TUBA3E: variants seen among roughly 807,000 people sequenced by gnomAD.
TUBA3E encodes the protein tubulin alpha 3e, also known as tubulin alpha-3E chain.
TUBA3E carries 21 observed loss-of-function variants against 36.7 expected under a neutral mutation model. The ratio of observed to expected loss-of-function variants is 0.57; its 90% CI spans 0.41 to 0.83. The LOEUF is 0.83. Ranked by LOEUF, TUBA3E falls within the 40% of genes least tolerant of loss-of-function variation. The pLI, the probability that TUBA3E is intolerant of heterozygous loss-of-function variation, is 0.00. For missense variants in TUBA3E, 469 were observed against 604.2 expected (o/e 0.78, Z 2.35); for synonymous variants, 177 against 241.9 (o/e 0.73, Z 2.49).
chr2:130,192,015 C>G lies in TUBA3E; in HGVS notation c.1169G>C (p.Arg390Pro). 6.2e-7 allele frequency: 1 copy of G among 1,614,118 alleles called. No individual in the cohort carries two copies. The highest frequency in any genetic ancestry group is 8.5e-7 in the Non-Finnish European group (1 of 1,180,010). The change falls in exon 5 of 5, where the codon CGC (arginine) becomes CCC (proline). Residue 390 changes from arginine (R) to proline (P), a missense_variant. Transcript: ENST00000312988. Reference protein sequence around the residue: ...NTTAIAEAWARLVHKFDLMYA... With the variant: ...NTTAIAEAWAPLVHKFDLMYA... ...CATGAGATCGAACTTATGGACCAGG[C>G]GGGCCCAGGCCTCCGCAATGGCCGT... is the stretch of plus-strand genomic sequence containing the variant.
chr2:130,195,928 C>T (rs1320438368), intron 2 of TUBA3E, among the ~76,000 whole-genome samples: 1 of 152,240 alleles, frequency 6.6e-6, no homozygotes, highest in Non-Finnish European at 1.5e-5. Context: ...TTACTGCTGG[C>T]AAAGCAGCTT....
rs139294946 is a variant in TUBA3E, at chr2:130,193,827, G to A, written c.1015C>T (p.Arg339Cys). 7.1e-5 allele frequency: 115 copies of A among 1,613,728 alleles called. No homozygotes were observed. The African/African-American group carries it at 1.2e-3, about 16-fold the overall frequency. The change falls in exon 4 of 5, where the codon CGC becomes TGC. Residue 339 changes from arginine (R) to cysteine (C), a missense_variant. Physicochemically the swap from Arg to Cys is radical, Grantham distance 180. Around this residue, in one of 3 missense-constraint regions of TUBA3E, gnomAD observed 296 missense variants for 346.9 expected, o/e 0.85. Transcript: ENST00000312988. ...NAAIATIKTK[R>C]TIQFVDWCPT... ...CACCAATCCACAAACTGGATAGTGC[G>A]CTTGGTCTTGATGGTGGCGATGGCC...
At chr2:130,194,971 C>G (rs1690368535) in intron 3 of TUBA3E, 108 bp downstream of exon 3, 25 of 1,550,368 alleles carry the variant, frequency 1.6e-5, no homozygotes, top group Non-Finnish European at 2.2e-5. Flanking sequence ...AGCCACCGCG[C>G]CCGGCCAAGA....
intron 1 of TUBA3E, among the ~76,000 whole-genome samples, chr2:130,197,780 T>G (rs1312698557): frequency 1.6e-5 from 2 of 123,376 alleles, no homozygotes; most frequent in Non-Finnish European, 3.6e-5. Flanking sequence ...GTAATTTTAG[T>G]ATTTTTTTGT....
At chr2:130,195,020 A>G (rs1034186517) in intron 3 of TUBA3E, 59 bp downstream of exon 3, 3 of 1,596,880 alleles carry the variant, frequency 1.9e-6, no homozygotes, top group African/African-American at 1.3e-5. Flanking sequence ...TCCCTTTCAC[A>G]TTCCAAGAAC....
chr2:130,193,606 C>CAAAAAA (rs34918027), intron 4 of TUBA3E, among the ~76,000 whole-genome samples, 180 bp downstream of exon 4: 1 of 95,092 alleles, frequency 1.1e-5, no homozygotes, highest in Non-Finnish European at 2.1e-5. Context: ...AAGACTGTCT[C>CAAAAAA]AAAAAAAAAA....
In TUBA3E at chr2:130,194,238, A is replaced by G; in HGVS notation, c.604T>C (p.Phe202Leu). Residue 202 changes from phenylalanine (F) to leucine (L), a missense_variant, in exon 4 of 5, where the codon TTC (phenylalanine) becomes CTC (leucine). Phe to Leu is a conservative substitution (Grantham distance 22, BLOSUM62 0). Coordinates refer to ENST00000312988, the MANE Select transcript of TUBA3E (RefSeq NM_207312.3). ...TAGATGGCTTCATTGTCGACCATGA[A>G]GGCACAGTCAGAATGTTCCAGGGTC... ...HTTLEHSDCA[F>L]MVDNEAIYDI... The G allele has an allele frequency of 6.2e-7, 1 of 1,612,222 alleles. No individual in the cohort carries two copies. Among genetic ancestry groups the G allele is most frequent in the South Asian group, 1.1e-5 (1 of 90,938 alleles).
chr2:130,196,311 C>T lies in TUBA3E; in HGVS notation c.64G>A (p.Glu22Lys), dbSNP rs1179545689. The T allele has an allele frequency of 6.2e-7, 1 of 1,614,008 alleles. No individual in the cohort carries two copies. The highest frequency in any genetic ancestry group is 8.5e-7 in the Non-Finnish European group (1 of 1,179,974). Residue 22 changes from glutamate to lysine, a missense_variant, in exon 2 of 5, where the codon GAA becomes AAA. Glu to Lys is a moderately conservative substitution (Grantham distance 56, BLOSUM62 1). Coordinates refer to ENST00000312988, the MANE Select transcript of TUBA3E (RefSeq NM_207312.3). The stretch of plus-strand genomic sequence containing the variant: ...ATTCCATGTTCAAGGCAGTACAGTT[C>T]CCAGCAGGCATTGCCGATCTGGACA... The part of the protein sequence containing the change: ...AGVQIGNACW[E>K]LYCLEHGIQP...
At chr2:130,193,677 C>G in intron 4 of TUBA3E, 109 bp downstream of exon 4, 1 of 1,404,222 alleles carries the variant, frequency 7.1e-7, no homozygotes, top group Non-Finnish European at 9.7e-7. Context: ...GCCCACATGC[C>G]TAGCCCATGG....
rs3863907 is a variant in TUBA3E, at chr2:130,195,152, C to T, written c.302G>A (p.Ser101Asn). ...QLITGKEDAASNYARGHYTIG... is the reference protein window; with the variant it reads ...QLITGKEDAANNYARGHYTIG... ...GGTGTAATGGCCCCTGGCGTAATTA[C>T]TGGCTGCATCTTCCTTCCCGGTGAT... The change falls in exon 3 of 5, where the codon AGT becomes AAT. Residue 101 changes from serine (S) to asparagine (N), a missense_variant. This residue lies in a region of TUBA3E where 169 missense variants were observed against 239.0 expected (regional missense o/e 0.71). Transcript: ENST00000312988. The T allele has an allele frequency of 0.42, 636,823 of 1,531,672 alleles. 147,866 individuals carry two copies. Among genetic ancestry groups the T allele is most frequent in the African/African-American group, 0.78 (56,938 of 73,412 alleles). The allele number at this position is 1,531,672 out of a possible 1,614,324, so 94.9% of individuals were successfully genotyped here.
chr2:130,196,038 G>A lies in TUBA3E; in HGVS notation c.226+111C>T, dbSNP rs1690394218. ...TCTCCTAACAATGCCATGGGCATAT[G>A]CCTGTCTATCCCATCCTTTCAGCAG... On this transcript the variant is annotated intron_variant, in intron 2 of 4. Coordinates refer to ENST00000312988, the MANE Select transcript of TUBA3E (RefSeq NM_207312.3). 9.6e-6 allele frequency: 13 copies of A among 1,360,906 alleles called. No individual in the cohort carries two copies. The South Asian group carries it at 1.5e-4, about 16-fold the overall frequency. 84.3% of individuals were successfully genotyped at this position (1,360,906 alleles called of 1,614,324 possible).
intron 3 of TUBA3E, among the ~76,000 whole-genome samples, 186 bp downstream of exon 3, chr2:130,194,893 G>A (rs919513532): frequency 2.0e-5 from 3 of 152,106 alleles, no homozygotes; most frequent in African/African-American, 7.2e-5. Flanking sequence ...GGCCAGGCTG[G>A]TCTCAAACTC....
rs1367351497 is a variant in TUBA3E at position 130,194,102 on chromosome 2, G to T, written c.740C>A (p.Ala247Asp). 7.4e-6 allele frequency: 12 copies of T among 1,614,218 alleles called. No individual in the cohort carries two copies. The highest frequency in any genetic ancestry group is 1.0e-5 in the Non-Finnish European group (12 of 1,180,042). The change falls in exon 4 of 5, where the codon GCC becomes GAC. Residue 247 changes from alanine (A) to aspartate (D), a missense_variant. This residue lies in a region of TUBA3E where 296 missense variants were observed against 346.9 expected (regional missense o/e 0.85). Coordinates refer to ENST00000312988, the MANE Select transcript of TUBA3E (RefSeq NM_207312.3). The stretch of plus-strand genomic sequence containing the variant: ...GAATTCCGTCAAGTCCACATTCAGG[G>T]CCCCATCAAATCGCAGGGAGGCCGT... ...SITASLRFDGALNVDLTEFQT... is the reference protein window; with the variant it reads ...SITASLRFDGDLNVDLTEFQT...
chr2:130,195,170 C>T lies in TUBA3E; in HGVS notation c.284G>A (p.Gly95Glu). 6.2e-7 allele frequency: 1 copy of T among 1,613,930 alleles called. No homozygotes were observed. Among genetic ancestry groups the T allele is most frequent in the Non-Finnish European group, 8.5e-7 (1 of 1,179,978 alleles). The change falls in exon 3 of 5, where the codon GGG becomes GAG. Residue 95 changes from glycine (G) to glutamate (E), a missense_variant. Physicochemically the swap from Gly to Glu is moderately conservative, Grantham distance 98. Transcript: ENST00000312988. ...QLFHPEQLIT[G>E]KEDAASNYAR... ...GTAATTACTGGCTGCATCTTCCTTC[C>T]CGGTGATCAGCTGCTCTGGGTGGAA...
chr2:130,193,906 G>T lies in TUBA3E; in HGVS notation c.936C>A (p.Tyr312Ter), dbSNP rs756131642. The T allele has an allele frequency of 9.3e-6, 15 of 1,614,138 alleles. No individual in the cohort carries two copies. The highest frequency in any genetic ancestry group is 1.3e-5 in the Non-Finnish European group (15 of 1,180,056). Reference sequence around the variant, plus strand: ...CCCTGTACAACATGCAGCAGGCCATGTACTTGCCATGGCGAGGGTCACACT... The same window carrying T: ...CCCTGTACAACATGCAGCAGGCCATTTACTTGCCATGGCGAGGGTCACACT... ...MVKCDPRHGK[Y>*]MACCMLYRGD... Residue 312 changes from tyrosine to a stop codon, truncating the protein, a stop_gained, in exon 4 of 5, where the codon TAC becomes TAA. Transcript: ENST00000312988. LOFTEE classifies it high-confidence loss of function.
In TUBA3E at chr2:130,198,271, C is replaced by T; in HGVS notation, c.3+87G>A. The T allele has an allele frequency of 2.3e-6, 3 of 1,313,302 alleles. 1 individual carries two copies. The highest frequency in any genetic ancestry group is 3.1e-6 in the Non-Finnish European group (3 of 961,990). The allele number at this position is 1,313,302 out of a possible 1,614,324, so 81.4% of individuals were successfully genotyped here. ...TCCTTCTCTGGCCTCCTCTCAGCGC[C>T]CAGGCCCGCAACAACGTCCCTCTGT... On this transcript the variant is annotated intron_variant, in intron 1 of 4. Coordinates refer to ENST00000312988, the MANE Select transcript of TUBA3E (RefSeq NM_207312.3).
chr2:130,196,366 C>G lies in TUBA3E; in HGVS notation c.9G>C (p.Glu3Asp), dbSNP rs776514614. 6.2e-6 allele frequency: 10 copies of G among 1,612,318 alleles called. No homozygotes were observed. The highest frequency in any genetic ancestry group is 1.1e-5 in the South Asian group (1 of 91,014). The change falls in exon 2 of 5, where the codon GAG becomes GAC. Residue 3 changes from glutamate to aspartate, a missense_variant. Physicochemically the swap from Glu to Asp is conservative, Grantham distance 45 (BLOSUM62 2). This residue lies in a region of TUBA3E where 169 missense variants were observed against 239.0 expected (regional missense o/e 0.71). Coordinates refer to ENST00000312988, the MANE Select transcript of TUBA3E (RefSeq NM_207312.3). The stretch of plus-strand genomic sequence containing the variant: ...CCTGCCCCACGTGGATAGAGATACA[C>G]TCGCGCTGTGAACCGGAACATAAAT... MR[E>D]CISIHVGQAG... is the part of the protein sequence containing the mutation.
rs1318753336 is a variant in TUBA3E, at chr2:130,196,352, T to A, written c.23A>T (p.His8Leu). Residue 8 changes from histidine (H) to leucine (L), a missense_variant, in exon 2 of 5, where the codon CAC (histidine) becomes CTC (leucine). By Grantham distance (99) the His-to-Leu change is moderately conservative. Around this residue, in one of 3 missense-constraint regions of TUBA3E, gnomAD observed 169 missense variants for 239.0 expected, o/e 0.71. Transcript: ENST00000312988. ...GATCTGGACACCCGCCTGCCCCACG[T>A]GGATAGAGATACACTCGCGCTGTGA... MRECISI[H>L]VGQAGVQIGN... 1 of 1,613,664 alleles carries A rather than the reference T, an allele frequency of 6.2e-7. No individual in the cohort carries two copies. The highest frequency in any genetic ancestry group is 1.3e-5 in the African/African-American group (1 of 74,932).
At chr2:130,194,997 T>G in intron 3 of TUBA3E, 82 bp downstream of exon 3, 2 of 1,581,512 alleles carry the variant, frequency 1.3e-6, no homozygotes, top group Non-Finnish European at 1.7e-6. Flanking sequence ...GTCTAAGTGT[T>G]GATAAAATGA....
Sources: gnomAD v4.1 joint callset for allele counts (sites outside exome capture counted in the v4.1 genomes callset) on GRCh38, gnomAD v4.1.1 for gene constraint, gnomAD v4.1.1 regional missense constraint, MANE v1.5 for transcripts, NCBI Gene and HGNC (gene_info 2026-07-23, HGNC 2026-07-21) for gene names.